ZNF24: variants seen among roughly 807,000 people sequenced by gnomAD.
ZNF24 encodes zinc finger protein 24.
In ZNF24, 11 loss-of-function variants were observed where a neutral mutation model predicts 40.9. The ratio of observed to expected loss-of-function variants is 0.27; its 90% CI spans 0.17 to 0.45. The LOEUF (loss-of-function observed/expected upper bound fraction) is 0.45. ZNF24 is among the 20% of genes least tolerant of loss of function. The probability of loss-of-function intolerance (pLI) is 1.00; values close to 1 mark genes in which losing one functional copy is unlikely to be tolerated. For synonymous variants in ZNF24, 139 were observed against 154.7 expected, an observed-to-expected ratio of 0.90 and a Z score of 0.75; for missense variants, 293 against 437.7, an observed-to-expected ratio of 0.67 and a Z score of 2.95.
chr18:35,341,219 A>G (rs1299490973), intron 1 of ZNF24, among the ~76,000 whole-genome samples: 1 of 152,218 alleles, frequency 6.6e-6, no homozygotes, highest in African/African-American at 2.4e-5. Context: ...GTTTGGGTCA[A>G]TGAAGGACCA....
Position 35,335,528 on chromosome 18 carries a change from A to G in ZNF24, c.*1704T>C, listed in dbSNP as rs2044898456. 6.6e-6 allele frequency: 1 copy of G among 152,132 alleles called. No homozygotes were observed. The highest frequency in any genetic ancestry group is 1.5e-5 in the Non-Finnish European group (1 of 68,016). 9.4% of individuals were successfully genotyped at this position (152,132 alleles called of 1,614,324 possible). ...CACCTTCCATTTTTAAACTTGATCC[A>G]AGCACCAGATATAACCAAAATCTCT... On this transcript the variant is annotated 3_prime_UTR_variant, in exon 4 of 4. Coordinates refer to ENST00000261332, the MANE Select transcript of ZNF24 (RefSeq NM_006965.4).
At chr18:35,339,192 G>A in intron 3 of ZNF24, 3 of 668,686 alleles carry the variant, frequency 4.5e-6, no homozygotes, top group South Asian at 2.0e-5. Flanking sequence ...TGGTGTTAAT[G>A]GCTAATATAT....
rs2044909723 is a variant in ZNF24 at position 35,336,348 on chromosome 18, C to CTA, written c.*883_*884insTA. ...AAGGCAAAATAATGATGAACTCTAT[C>CTA]ATCTTTTTCTAAAAGCCATGACAGA... On this transcript the variant is annotated 3_prime_UTR_variant, in exon 4 of 4. Transcript: ENST00000261332. 6.6e-6 allele frequency: 1 copy of CTA among 152,456 alleles called. No homozygotes were observed. The highest frequency in any genetic ancestry group is 2.4e-5 in the African/African-American group (1 of 41,438). 9.4% of individuals were successfully genotyped at this position (152,456 alleles called of 1,614,324 possible). A position where few individuals can be genotyped will look rare whatever the true frequency, so the allele number is the denominator to read the frequency against.
chr18:35,337,938 A>C, intron 3 of ZNF24, 168 bp from the exon 4 acceptor site: 1 of 579,300 alleles, frequency 1.7e-6, no homozygotes, highest in Non-Finnish European at 2.8e-6. Flanking sequence ...ATTACTCTGA[A>C]TAACAGTATA....
chr18:35,336,348 C>A lies in ZNF24; in HGVS notation c.*884G>T, dbSNP rs1411774495. On this transcript the variant is annotated 3_prime_UTR_variant, in exon 4 of 4. Coordinates refer to ENST00000261332, the MANE Select transcript of ZNF24 (RefSeq NM_006965.4). ...AAGGCAAAATAATGATGAACTCTAT[C>A]ATCTTTTTCTAAAAGCCATGACAGA... The A allele has an allele frequency of 6.6e-6, 1 of 152,456 alleles. No individual in the cohort carries two copies. The highest frequency in any genetic ancestry group is 6.5e-5 in the Admixed American group (1 of 15,274). 9.4% of individuals were successfully genotyped at this position (152,456 alleles called of 1,614,324 possible). A position where few individuals can be genotyped will look rare whatever the true frequency, so the allele number is the denominator to read the frequency against.
intron 1 of ZNF24, chr18:35,343,956 G>C (rs1458050450): frequency 6.6e-6 from 1 of 152,446 alleles, no homozygotes; most frequent in African/African-American, 2.4e-5. Context: ...CAACAGCGTC[G>C]GAACCACGGC....
At chr18:35,344,032 A>AC (rs2044993547) in intron 1 of ZNF24, 1 of 148,284 alleles carries the variant, frequency 6.7e-6, no homozygotes, top group African/African-American at 2.5e-5. Flanking sequence ...TCCCACTACC[A>AC]CCCCCTCCCA....
chr18:35,335,986 G>C lies in ZNF24; in HGVS notation c.*1246C>G, dbSNP rs1455483892. The C allele has an allele frequency of 6.6e-6, 1 of 152,246 alleles. No homozygotes were observed. The highest frequency in any genetic ancestry group is 2.4e-5 in the African/African-American group (1 of 41,398). 9.4% of individuals were successfully genotyped at this position (152,246 alleles called of 1,614,324 possible). On this transcript the variant is annotated 3_prime_UTR_variant, in exon 4 of 4. Coordinates refer to ENST00000261332, the MANE Select transcript of ZNF24 (RefSeq NM_006965.4). ...GAGAGCCAGCTAGCTCTTTTGAGCC[G>C]AGTCCTCCTCCCCCTCCAAATACAA...
intron 1 of ZNF24, among the ~76,000 whole-genome samples, chr18:35,341,258 T>C (rs1298417379): frequency 6.6e-6 from 1 of 152,188 alleles, no homozygotes; most frequent in Non-Finnish European, 1.5e-5. Context: ...CATAAGATTA[T>C]AATGGAGCTG....
chr18:35,338,365 T>C (rs1404094789), intron 3 of ZNF24: 1 of 985,416 alleles, frequency 1.0e-6, no homozygotes. Flanking sequence ...AGTATGCCCC[T>C]AATAAATGAA....
rs2044880644 is a variant in ZNF24, at chr18:35,333,932, G to A, written c.*3300C>T. Reference sequence around the variant, plus strand: ...TGAAAAAAGAACATCTTCAATGTGGGGGGAGAGGAGGCAAGTCTCAGTGTA... The same window carrying A: ...TGAAAAAAGAACATCTTCAATGTGGAGGGAGAGGAGGCAAGTCTCAGTGTA... On this transcript the variant is annotated 3_prime_UTR_variant, in exon 4 of 4. Transcript: ENST00000261332. 1 of 152,242 alleles carries A rather than the reference G, an allele frequency of 6.6e-6. No homozygotes were observed. The highest frequency in any genetic ancestry group is 2.4e-5 in the African/African-American group (1 of 41,420). 9.4% of individuals were successfully genotyped at this position (152,242 alleles called of 1,614,324 possible).
Position 35,340,732 on chromosome 18 carries a change from T to C in ZNF24, c.-82A>G. On this transcript the variant is annotated splice_region_variant and 5_prime_UTR_variant, in exon 2 of 4. Transcript: ENST00000261332. This position sits in a 1 kb window ranked among gnomAD's most constrained non-coding sequence, Gnocchi z 4.6. ...AATACCCCGTTTTCTTCACAGGCAC[T>C]CCTGAGGCATAAGAAATAAAAGATA... 1 of 1,248,736 alleles carries C rather than the reference T, an allele frequency of 8.0e-7. No individual in the cohort carries two copies. Among genetic ancestry groups the C allele is most frequent in the African/African-American group, 1.5e-5 (1 of 66,804 alleles). The allele number at this position is 1,248,736 out of a possible 1,614,324, so 77.4% of individuals were successfully genotyped here. A position where few individuals can be genotyped will look rare whatever the true frequency, so the allele number is the denominator to read the frequency against.
chr18:35,335,110 C>A lies in ZNF24; in HGVS notation c.*2122G>T, dbSNP rs1375833202. 1 of 152,162 alleles carries A rather than the reference C, an allele frequency of 6.6e-6. No homozygotes were observed. The highest frequency in any genetic ancestry group is 1.5e-5 in the Non-Finnish European group (1 of 68,024). The allele number at this position is 152,162 out of a possible 1,614,324, so 9.4% of individuals were successfully genotyped here. On this transcript the variant is annotated 3_prime_UTR_variant, in exon 4 of 4. Coordinates refer to ENST00000261332, the MANE Select transcript of ZNF24 (RefSeq NM_006965.4). The stretch of plus-strand genomic sequence containing the variant: ...ATAATAGCCATTGAGAGGTTGCTCC[C>A]TTCTTACCTACTCTGATACAAGAAT...
intron 3 of ZNF24, chr18:35,338,567 TAAG>T: frequency 3.0e-6 from 3 of 987,046 alleles, no homozygotes; most frequent in Non-Finnish European, 3.6e-6. Context: ...CTTCATGCCT[TAAG>T]GAGTAAAGAT....
rs2044890509 is a variant in ZNF24 at position 35,334,860 on chromosome 18, T to C, written c.*2372A>G. 6.6e-6 allele frequency: 1 copy of C among 152,070 alleles called. No individual in the cohort carries two copies. The highest frequency in any genetic ancestry group is 1.5e-5 in the Non-Finnish European group (1 of 68,010). 9.4% of individuals were successfully genotyped at this position (152,070 alleles called of 1,614,324 possible). Reference sequence around the variant, plus strand: ...CCTCTTCTTGTGTGCCACCATCCAGTTTTTTTTGGTCCAGTCCCTTTTTCC... The same window carrying C: ...CCTCTTCTTGTGTGCCACCATCCAGCTTTTTTTGGTCCAGTCCCTTTTTCC... On this transcript the variant is annotated 3_prime_UTR_variant, in exon 4 of 4. Coordinates refer to ENST00000261332, the MANE Select transcript of ZNF24 (RefSeq NM_006965.4).
At chr18:35,338,765 A>C in intron 3 of ZNF24, 1 of 1,256,094 alleles carries the variant, frequency 8.0e-7, no homozygotes, top group East Asian at 3.5e-5. Context: ...GGCACACAGG[A>C]AACAGAAATT....
rs1308566549 is a variant in ZNF24, at chr18:35,336,429, C to T, written c.*803G>A. The stretch of plus-strand genomic sequence containing the variant: ...ACACTGCCATCCGCTACAAATTTTT[C>T]CCTAGTGTTATAATTTCTACCTTCA... On this transcript the variant is annotated 3_prime_UTR_variant, in exon 4 of 4. Transcript: ENST00000261332. 2.6e-5 allele frequency: 4 copies of T among 152,174 alleles called. No homozygotes were observed. Among genetic ancestry groups the T allele is most frequent in the African/African-American group, 9.7e-5 (4 of 41,446 alleles). 9.4% of individuals were successfully genotyped at this position (152,174 alleles called of 1,614,324 possible).
At chr18:35,342,291 AAG>A (rs1255013197) in intron 1 of ZNF24, among the ~76,000 whole-genome samples, 2 of 152,210 alleles carry the variant, frequency 1.3e-5, no homozygotes, top group Non-Finnish European at 2.9e-5. Context: ...GTTATCACAA[AAG>A]AGTAAAAAAG....
rs528970953 is a variant in ZNF24, at chr18:35,333,578, T to A, written c.*3654A>T. ...ATGAAAAGATGTTCCTCCTCATTAA[T>A]ATTCAAAGAAAAGAAAGAAATTTTG... is the stretch of plus-strand genomic sequence containing the variant. On this transcript the variant is annotated 3_prime_UTR_variant, in exon 4 of 4. Transcript: ENST00000261332. 6.6e-6 allele frequency: 1 copy of A among 152,322 alleles called. No individual in the cohort carries two copies. The highest frequency in any genetic ancestry group is 2.1e-4 in the South Asian group (1 of 4,828). The allele number at this position is 152,322 out of a possible 1,614,324, so 9.4% of individuals were successfully genotyped here.
Sources: allele counts gnomAD v4.1 joint callset (sites outside exome capture counted in the v4.1 genomes callset), GRCh38; gene constraint gnomAD v4.1.1; non-coding constraint Gnocchi (gnomAD v3.1); transcripts MANE v1.5; gene names NCBI Gene and HGNC (gene_info 2026-07-23, HGNC 2026-07-21).